The following CAMK4 variants were observed in gnomAD, a reference collection of about 807,000 sequenced individuals.
CAMK4 encodes the protein calcium/calmodulin dependent protein kinase IV, also known as calcium/calmodulin-dependent protein kinase type IV.
CAMK4 carries 22 observed loss-of-function variants against 44.9 expected under a neutral mutation model. That is an observed-to-expected ratio of 0.49 (90% confidence interval 0.35 to 0.70). CAMK4 has a LOEUF of 0.70. Ranked by LOEUF, CAMK4 falls within the 30% of genes least tolerant of loss-of-function variation. The pLI is 0.01. For missense variants in CAMK4, 498 were observed against 586.8 expected (o/e 0.85, Z 1.56); for synonymous variants, 218 against 215.4 (o/e 1.01, Z -0.11).
intron 1 of CAMK4, among the ~76,000 whole-genome samples, chr5:111,322,410 C>T (rs953069229): frequency 5.3e-5 from 8 of 151,980 alleles, no homozygotes; most frequent in African/African-American, 1.9e-4. Context: ...AGGACCATGA[C>T]ACAGAATCAA....
rs368241730 is a variant in CAMK4 at position 111,395,780 on chromosome 5, TA to T, written c.459+999del. 3.3e-3 allele frequency among the ~76,000 whole-genome samples: 501 copies of T among 152,344 alleles called. 3 individuals carry two copies. The highest frequency in any genetic ancestry group is 0.011 in the African/African-American group (452 of 41,578). On this transcript the variant is annotated intron_variant, in intron 5 of 10. Transcript: ENST00000282356. ...TTCCCATGTATTTGATGTTGTCTAA[TA>T]TGTGCTGGAACACTTTGGTGATTCA... is the stretch of plus-strand genomic sequence containing the variant.
chr5:111,491,953 T>A lies in CAMK4; in HGVS notation c.*7487T>A, dbSNP rs1292822048. 6.6e-6 allele frequency: 1 copy of A among 152,248 alleles called. No homozygotes were observed. The highest frequency in any genetic ancestry group is 1.9e-4 in the East Asian group (1 of 5,208). The allele number at this position is 152,248 out of a possible 1,614,324, so 9.4% of individuals were successfully genotyped here. On this transcript the variant is annotated 3_prime_UTR_variant, in exon 11 of 11. Transcript: ENST00000282356. ...AATACGCAAACAGCCAGCTCTTTTA[T>A]GTAAGAAAGCCATTTTCTAATCCCC...
intron 1 of CAMK4, among the ~76,000 whole-genome samples, chr5:111,308,258 TA>T (rs1561399632): frequency 6.9e-6 from 1 of 144,032 alleles, no homozygotes; most frequent in African/African-American, 2.7e-5. Context: ...AATAAAAAAA[TA>T]AAATAAAATA....
intron 2 of CAMK4, among the ~76,000 whole-genome samples, chr5:111,361,464 C>T (rs1175838981): frequency 6.6e-6 from 1 of 151,918 alleles, no homozygotes; most frequent in African/African-American, 2.4e-5. Context: ...TTCATGGCTT[C>T]TTGATAATTT....
At chr5:111,464,010 G>GA (rs1018401535) in intron 7 of CAMK4, among the ~76,000 whole-genome samples, 1 of 151,256 alleles carries the variant, frequency 6.6e-6, no homozygotes, top group Admixed American at 6.6e-5. Flanking sequence ...TGAATTGGCA[G>GA]AAAAAAAATT....
intron 1 of CAMK4, among the ~76,000 whole-genome samples, chr5:111,251,825 C>A (rs1749508178): frequency 6.6e-6 from 1 of 152,118 alleles, no homozygotes; most frequent in African/African-American, 2.4e-5. Flanking sequence ...TTGAGGAAAT[C>A]CATGTTTTTC....
intron 1 of CAMK4, among the ~76,000 whole-genome samples, chr5:111,294,044 G>A (rs1277965634): frequency 6.6e-6 from 1 of 152,048 alleles, no homozygotes; most frequent in African/African-American, 2.4e-5. Flanking sequence ...ACCGCGCCCG[G>A]CCCTACTTTT....
intron 2 of CAMK4, among the ~76,000 whole-genome samples, chr5:111,355,453 A>C (rs1750298709): frequency 6.6e-6 from 1 of 151,222 alleles, no homozygotes; most frequent in South Asian, 2.1e-4. Flanking sequence ...ATTGACATAA[A>C]CATTGGTGGA....
At position 111,325,303 on chromosome 5, in the gene CAMK4, A is replaced by G. The variant is rs373128834; in HGVS notation, c.162-18721A>G. On this transcript the variant is annotated intron_variant, in intron 1 of 10. Coordinates refer to ENST00000282356, the MANE Select transcript of CAMK4 (RefSeq NM_001744.6). ...TGGTTCCAAGTCTTTGCTGTTGTAAATAGTACTGCAATAAACATACATGTG... is the reference window on the plus strand; with the variant it reads ...TGGTTCCAAGTCTTTGCTGTTGTAAGTAGTACTGCAATAAACATACATGTG... 3.3e-5 allele frequency among the ~76,000 whole-genome samples: 5 copies of G among 152,134 alleles called. No homozygotes were observed. In the South Asian group the frequency reaches 6.2e-4, roughly 19 times the overall value.
At chr5:111,390,580 G>GA (rs1239954171) in intron 4 of CAMK4, among the ~76,000 whole-genome samples, 3 of 152,130 alleles carry the variant, frequency 2.0e-5, no homozygotes, top group Non-Finnish European at 4.4e-5. Context: ...AAACATTGTT[G>GA]AAACTGTCCT....
rs149349244 is a variant in CAMK4 at position 111,467,970 on chromosome 5, A to C, written c.626-5341A>C. ...CACACACACACACACACACACACACACCATGGAATACTACTCAGCCATAAA... is the reference window on the plus strand; with the variant it reads ...CACACACACACACACACACACACACCCCATGGAATACTACTCAGCCATAAA... On this transcript the variant is annotated intron_variant, in intron 7 of 10. Coordinates refer to ENST00000282356, the MANE Select transcript of CAMK4 (RefSeq NM_001744.6). Among the ~76,000 whole-genome samples the C allele has an allele frequency of 9.2e-3, 1,364 of 148,720 alleles. 19 individuals carry two copies. Among genetic ancestry groups the C allele is most frequent in the African/African-American group, 0.032 (1,303 of 40,524 alleles).
intron 4 of CAMK4, among the ~76,000 whole-genome samples, chr5:111,392,869 T>C (rs1751853888): frequency 6.6e-6 from 1 of 152,008 alleles, no homozygotes; most frequent in African/African-American, 2.4e-5. Flanking sequence ...TACTGGATAG[T>C]AAAATAACCA....
chr5:111,319,034 C>T (rs1278323212), intron 1 of CAMK4, among the ~76,000 whole-genome samples: 1 of 152,022 alleles, frequency 6.6e-6, no homozygotes, highest in Non-Finnish European at 1.5e-5. Flanking sequence ...GTTATTCATT[C>T]AATTTATTTT....
intron 5 of CAMK4, among the ~76,000 whole-genome samples, chr5:111,404,487 C>T (rs1192818533): frequency 3.3e-5 from 5 of 152,148 alleles, no homozygotes; most frequent in Non-Finnish European, 7.4e-5. Flanking sequence ...AAGGTCAATG[C>T]TTGTTTAGCT....
Position 111,488,719 on chromosome 5 carries a change from GT to G in CAMK4, c.*4258del, listed in dbSNP as rs902648518. 4.6e-5 allele frequency: 7 copies of G among 152,078 alleles called. No individual in the cohort carries two copies. Among genetic ancestry groups the G allele is most frequent in the African/African-American group, 1.4e-4 (6 of 41,422 alleles). 9.4% of individuals were successfully genotyped at this position (152,078 alleles called of 1,614,324 possible). On this transcript the variant is annotated 3_prime_UTR_variant, in exon 11 of 11. Coordinates refer to ENST00000282356, the MANE Select transcript of CAMK4 (RefSeq NM_001744.6). ...AAGCCATTTATTTTGTTTTAGAATT[GT>G]TTTTGCAAAGCAAATTTTTTTAAAA...
chr5:111,317,750 A>G (rs1447090742), intron 1 of CAMK4, among the ~76,000 whole-genome samples: 2 of 152,052 alleles, frequency 1.3e-5, no homozygotes, highest in Admixed American at 1.3e-4. Flanking sequence ...CCTCTGCTCA[A>G]AAGGGCTCTG....
In CAMK4 at chr5:111,398,927, A is replaced by G. The variant is rs894790237; in HGVS notation, c.459+4145A>G. Among the ~76,000 whole-genome samples, 9 of 152,254 alleles carry G rather than the reference A, an allele frequency of 5.9e-5. No homozygotes were observed. The South Asian group carries it at 1.9e-3, about 32-fold the overall frequency. ...TTGACAATTTTTCTTCATCTGCACT[A>G]ACCCATTGCCCTAGTTTCAGTCTGC... On this transcript the variant is annotated intron_variant, in intron 5 of 10. Transcript: ENST00000282356.
chr5:111,455,942 T>A (rs1052195011), intron 7 of CAMK4, among the ~76,000 whole-genome samples: 9 of 152,190 alleles, frequency 5.9e-5, no homozygotes, highest in African/African-American at 1.9e-4. Context: ...AATAAGATAA[T>A]GTATGTGAAG....
chr5:111,226,622 G>A (rs1385163975), intron 1 of CAMK4, among the ~76,000 whole-genome samples: 1 of 152,220 alleles, frequency 6.6e-6, no homozygotes, highest in Admixed American at 6.5e-5. Context: ...TATAATAACT[G>A]TTAAATACCG....
Sources: allele counts gnomAD v4.1 joint callset (sites outside exome capture counted in the v4.1 genomes callset), GRCh38; gene constraint gnomAD v4.1.1; transcripts MANE v1.5; gene names NCBI Gene and HGNC (gene_info 2026-07-23, HGNC 2026-07-21).